Variants in SPEF2 observed in about 807,000 individuals in gnomAD.
The protein encoded by SPEF2 is sperm flagellar and cilia associated 2.
SPEF2 carries 187 observed loss-of-function variants against 224.6 expected under a neutral mutation model. The observed-to-expected ratio is 0.83, with a 90% CI of 0.74 to 0.94. The LOEUF (loss-of-function observed/expected upper bound fraction) is 0.94. Ranked by LOEUF, SPEF2 falls within the 40% of genes least tolerant of loss-of-function variation. The pLI is 0.00. For synonymous variants in SPEF2, 715 were observed against 707.3 expected (o/e 1.01, Z -0.17); for missense variants, 2,170 against 2,135.6 (o/e 1.02, Z -0.32).
chr5:35,799,334 T>C (rs1757109023), intron 33 of SPEF2, among the ~76,000 whole-genome samples: 1 of 152,210 alleles, frequency 6.6e-6, no homozygotes, highest in Admixed American at 6.5e-5. Context: ...TCCCAGGCAC[T>C]AACTCCTCAT....
chr5:35,691,991 G>T (rs1754560215), intron 11 of SPEF2, among the ~76,000 whole-genome samples: 1 of 151,552 alleles, frequency 6.6e-6, no homozygotes, highest in Non-Finnish European at 1.5e-5. Context: ...GTAGAGACAG[G>T]GTTTCACCAT....
At chr5:35,738,354 A>T (rs1747006592) in intron 21 of SPEF2, among the ~76,000 whole-genome samples, 1 of 151,888 alleles carries the variant, frequency 6.6e-6, no homozygotes, top group Non-Finnish European at 1.5e-5. Flanking sequence ...TAGGTCTAAC[A>T]TTCAAGTCTT....
At chr5:35,788,717 G>GC (rs914337564) in intron 30 of SPEF2, 5 of 703,014 alleles carry the variant, frequency 7.1e-6, no homozygotes, top group Admixed American at 2.0e-5. Flanking sequence ...CAACGAGGTG[G>GC]CCCTACTATT....
chr5:35,659,029 G>T lies in SPEF2; in HGVS notation c.989G>T (p.Arg330Leu). Residue 330 changes from arginine to leucine, a missense_variant, in exon 8 of 37, where the codon CGG (arginine) becomes CTG (leucine). Transcript: ENST00000356031. ...CCCTGGTGTTTTCAGGAGGCTTATC[G>T]GGAGGAACAGCTGATTAACCGGCTG... ...IAHEAQEEAY[R>L]EEQLINRLMR... The T allele has an allele frequency of 6.4e-7, 1 of 1,560,290 alleles. No homozygotes were observed. The highest frequency in any genetic ancestry group is 8.7e-7 in the Non-Finnish European group (1 of 1,149,354).
chr5:35,736,039 G>T lies in SPEF2; in HGVS notation c.3064-3880G>T, dbSNP rs540574198. On this transcript the variant is annotated intron_variant, in intron 21 of 36. Transcript: ENST00000356031. The stretch of plus-strand genomic sequence containing the variant: ...ATGAGAGGACTTCAAAAGGCTTGTG[G>T]AAAAATTGAATTAAAAGATAAAATT... Among the ~76,000 whole-genome samples the T allele has an allele frequency of 2.6e-5, 4 of 152,234 alleles. No individual in the cohort carries two copies. In the South Asian group the frequency reaches 6.2e-4, roughly 24 times the overall value.
At chr5:35,806,653 A>G in intron 34 of SPEF2, 54 bp from the exon 35 acceptor site, 1 of 1,570,194 alleles carries the variant, frequency 6.4e-7, no homozygotes, top group African/African-American at 1.4e-5. Flanking sequence ...AAAAGTCTCC[A>G]TTGGTGGAAA....
intron 2 of SPEF2, among the ~76,000 whole-genome samples, chr5:35,638,757 T>C (rs1746183763): frequency 6.6e-6 from 1 of 152,204 alleles, no homozygotes; most frequent in Non-Finnish European, 1.5e-5. Context: ...ACTCCTCAAC[T>C]AGATTGTGAA....
At chr5:35,659,966 TTATC>T (rs1472914192) in intron 8 of SPEF2, among the ~76,000 whole-genome samples, 2 of 152,102 alleles carry the variant, frequency 1.3e-5, no homozygotes, top group Non-Finnish European at 2.9e-5. Flanking sequence ...AATAAATGCT[TTATC>T]TAGGGTACTG....
chr5:35,654,582 C>G lies in SPEF2; in HGVS notation c.834C>G (p.Thr278=), dbSNP rs771745625. ...TSLDTAGQTT[T]DLLNTYSDDE... is the part of the protein sequence containing the mutation. Reference sequence around the variant, plus strand: ...TAGATACAGCAGGCCAGACAACCACCGATTTGTTAAATACTTACTCAGATG... The same window carrying G: ...TAGATACAGCAGGCCAGACAACCACGGATTTGTTAAATACTTACTCAGATG... Residue 278 remains threonine, a synonymous_variant, in exon 7 of 37, where the codon ACC becomes ACG. Coordinates refer to ENST00000356031, the MANE Select transcript of SPEF2 (RefSeq NM_024867.4). 6.2e-7 allele frequency: 1 copy of G among 1,607,760 alleles called. No homozygotes were observed. Among genetic ancestry groups the G allele is most frequent in the South Asian group, 1.1e-5 (1 of 89,234 alleles).
At chr5:35,681,004 G>T (rs1752721720) in intron 10 of SPEF2, among the ~76,000 whole-genome samples, 1 of 152,114 alleles carries the variant, frequency 6.6e-6, no homozygotes, top group Admixed American at 6.5e-5. Context: ...TGGGCAATCG[G>T]CTTGTCCCTG....
chr5:35,748,607 T>A (rs1748925619), intron 23 of SPEF2, among the ~76,000 whole-genome samples: 1 of 151,988 alleles, frequency 6.6e-6, no homozygotes, highest in Non-Finnish European at 1.5e-5. Context: ...AATACAACCT[T>A]CCTAGCTTAA....
intron 24 of SPEF2, among the ~76,000 whole-genome samples, chr5:35,756,281 T>G (rs752371489): frequency 5.3e-5 from 8 of 152,162 alleles, no homozygotes; most frequent in Non-Finnish European, 1.2e-4. Flanking sequence ...TATATAAGGT[T>G]TGGAACTATC....
At chr5:35,641,356 T>C in intron 2 of SPEF2, 75 bp from the exon 3 acceptor site, 4 of 1,458,618 alleles carry the variant, frequency 2.7e-6, no homozygotes, top group Non-Finnish European at 3.7e-6. Context: ...TGGATAATGA[T>C]AATATGTCTG....
At chr5:35,756,817 T>C (rs887085805) in intron 24 of SPEF2, among the ~76,000 whole-genome samples, 1 of 152,204 alleles carries the variant, frequency 6.6e-6, no homozygotes, top group Non-Finnish European at 1.5e-5. Context: ...TGTATCGACA[T>C]ATTTAGACAT....
At chr5:35,800,242 G>T (rs141860863) in intron 34 of SPEF2, 95 bp downstream of exon 34, 1 of 1,344,454 alleles carries the variant, frequency 7.4e-7, no homozygotes, top group Non-Finnish European at 1.0e-6. Context: ...TTTCATCTCC[G>T]TATTTTCCTA....
chr5:35,625,379 T>TA (rs1210616936), intron 1 of SPEF2, among the ~76,000 whole-genome samples: 1 of 152,188 alleles, frequency 6.6e-6, no homozygotes, highest in Non-Finnish European at 1.5e-5. Flanking sequence ...AATGGTTTGT[T>TA]ACAGACCGTT....
intron 26 of SPEF2, among the ~76,000 whole-genome samples, chr5:35,768,319 A>C (rs1275165298): frequency 1.3e-5 from 2 of 152,154 alleles, no homozygotes; most frequent in Non-Finnish European, 2.9e-5. Flanking sequence ...CTCTAGAAAA[A>C]AATGAGTTAT....
chr5:35,620,677 A>G (rs1281159788), intron 1 of SPEF2, among the ~76,000 whole-genome samples: 1 of 152,204 alleles, frequency 6.6e-6, no homozygotes, highest in East Asian at 1.9e-4. Context: ...CTTTATTCAT[A>G]CTATGAATTG....
chr5:35,751,004 TATATATAC>T (rs1749360692), intron 23 of SPEF2, among the ~76,000 whole-genome samples: 2 of 120,900 alleles, frequency 1.7e-5, no homozygotes, highest in Admixed American at 1.7e-4. Context: ...TATGTATATA[TATATATAC>T]GTATATATAT....
Sources: allele counts gnomAD v4.1 joint callset (sites outside exome capture counted in the v4.1 genomes callset), GRCh38; gene constraint gnomAD v4.1.1; transcripts MANE v1.5; gene names NCBI Gene and HGNC (gene_info 2026-07-23, HGNC 2026-07-21).